Variants in CFAP74 observed in about 807,000 individuals in gnomAD.
The protein encoded by CFAP74 is cilia- and flagella-associated protein 74.
In CFAP74, 124 loss-of-function variants were observed where a neutral mutation model predicts 188.9. That is an observed-to-expected ratio of 0.66 (90% CI 0.57 to 0.76). The LOEUF (loss-of-function observed/expected upper bound fraction) is 0.76, where lower values mean the gene tolerates loss of function less well. Ranked by LOEUF, CFAP74 falls within the 30% of genes least tolerant of loss-of-function variation. The pLI, the probability that CFAP74 is intolerant of heterozygous loss-of-function variation, is 0.00. For missense variants in CFAP74, 2,198 were observed against 2,165.2 expected (o/e 1.02, Z -0.30); for synonymous variants, 956 against 916.7 (o/e 1.04, Z -0.77).
chr1:1,939,022 C>G, intron 24 of CFAP74, 34 bp from the exon 25 acceptor site: 2 of 1,529,562 alleles, frequency 1.3e-6, no homozygotes, highest in Non-Finnish European at 1.8e-6. Flanking sequence ...GGGCATGTCA[C>G]GGGGAGACCA....
At chr1:1,939,886 C>T (rs1653243664) in intron 23 of CFAP74, 119 bp from the exon 24 acceptor site, 1 of 969,118 alleles carries the variant, frequency 1.0e-6, no homozygotes, top group African/African-American at 1.6e-5. Flanking sequence ...GTTTCCAGGA[C>T]ACGACGAGGC....
In CFAP74 at chr1:1,968,971, C is replaced by A. The variant is rs61776962; in HGVS notation, c.1047-138G>T. 3 of 423,088 alleles carry A rather than the reference C, an allele frequency of 7.1e-6. No homozygotes were observed. Among genetic ancestry groups the A allele is most frequent in the Non-Finnish European group, 1.2e-5 (3 of 246,928 alleles). 26.2% of individuals were successfully genotyped at this position (423,088 alleles called of 1,614,324 possible). A position where few individuals can be genotyped will look rare whatever the true frequency, so the allele number is the denominator to read the frequency against. On this transcript the variant is annotated intron_variant, in intron 10 of 38. Coordinates refer to ENST00000682832, the MANE Select transcript of CFAP74 (RefSeq NM_001304360.2). This position sits in a 1 kb window ranked among gnomAD's most constrained non-coding sequence, Gnocchi z 4.3. ...TGCCCAGCAGCCCCAGGTGAGACAG[C>A]GCCTGGCGGCCCCTCCCTAGCTCCC... is the stretch of plus-strand genomic sequence containing the variant.
chr1:1,993,054 A>G (rs1449140921), intron 1 of CFAP74, among the ~76,000 whole-genome samples: 3 of 151,466 alleles, frequency 2.0e-5, no homozygotes, highest in African/African-American at 7.3e-5. Flanking sequence ...TACAAAAACT[A>G]GCCAGGTATG....
chr1:1,990,395 CA>C (rs1336415188), intron 2 of CFAP74, among the ~76,000 whole-genome samples: 11 of 104,980 alleles, frequency 1.0e-4, no homozygotes, highest in Non-Finnish European at 2.0e-4. Context: ...TGGCGGGGGG[CA>C]GGGGGGAGAA....
rs1161767183 is a variant in CFAP74, at chr1:1,926,906, G to T, written c.3650C>A (p.Pro1217His). 1.3e-6 allele frequency: 2 copies of T among 1,549,932 alleles called. No individual in the cohort carries two copies. The highest frequency in any genetic ancestry group is 1.7e-6 in the Non-Finnish European group (2 of 1,146,788). The change falls in exon 29 of 39, where the codon CCC becomes CAC. Residue 1217 changes from proline (P) to histidine (H), a missense_variant. Physicochemically the swap from Pro to His is moderately conservative, Grantham distance 77. Coordinates refer to ENST00000682832, the MANE Select transcript of CFAP74 (RefSeq NM_001304360.2). ...GAGCACCCCGCACCTGAAGCTCAGG[G>T]GTTCTGACCCCTTCCTGTCTTTGAT... ...GDIKDRKGSE[P>H]LSFSPHNTLY...
rs1398118413 is a variant in CFAP74, at chr1:1,975,557, G to A, written c.501-1359C>T. On this transcript the variant is annotated intron_variant, in intron 6 of 38. Coordinates refer to ENST00000682832, the MANE Select transcript of CFAP74 (RefSeq NM_001304360.2). This position sits in a 1 kb window ranked among gnomAD's most constrained non-coding sequence, Gnocchi z 4.5. Reference sequence around the variant, plus strand: ...GTTGTGTCACTGCATTTTAGAAACTGGGCATACCATGTTCTTTGTTGGGGT... The same window carrying A: ...GTTGTGTCACTGCATTTTAGAAACTAGGCATACCATGTTCTTTGTTGGGGT... Among the ~76,000 whole-genome samples, 3 of 152,092 alleles carry A rather than the reference G, an allele frequency of 2.0e-5. No individual in the cohort carries two copies. Among genetic ancestry groups the A allele is most frequent in the African/African-American group, 4.8e-5 (2 of 41,396 alleles).
chr1:1,923,592 G>A lies in CFAP74; in HGVS notation c.4390-93C>T, dbSNP rs1651570003. 6.4e-7 allele frequency: 1 copy of A among 1,550,390 alleles called. No individual in the cohort carries two copies. Among genetic ancestry groups the A allele is most frequent in the East Asian group, 2.3e-5 (1 of 44,162 alleles). ...GGGCTGGCTCAGGGAAGGAAGCAGG[G>A]ACGGCCTGGGGGCCCCGTGGGGCCC... On this transcript the variant is annotated intron_variant, in intron 35 of 38. Coordinates refer to ENST00000682832, the MANE Select transcript of CFAP74 (RefSeq NM_001304360.2). This position sits in a 1 kb window ranked among gnomAD's most constrained non-coding sequence, Gnocchi z 6.3.
In CFAP74 at chr1:1,942,527, G is replaced by A. The variant is rs1451408636; in HGVS notation, c.2487-371C>T. Among the ~76,000 whole-genome samples the A allele has an allele frequency of 6.6e-6, 1 of 152,024 alleles. No homozygotes were observed. The highest frequency in any genetic ancestry group is 1.9e-4 in the East Asian group (1 of 5,170). On this transcript the variant is annotated intron_variant, in intron 21 of 38. Transcript: ENST00000682832. The surrounding 1 kb of genome is among the most constrained non-coding windows in gnomAD (Gnocchi z 4.3). ...AACCCCTCCCTCCAGGGCTCTGCCCGCCTCCTGCCCAGGGCATCCCCACAT... is the reference window on the plus strand; with the variant it reads ...AACCCCTCCCTCCAGGGCTCTGCCCACCTCCTGCCCAGGGCATCCCCACAT...
intron 33 of CFAP74, among the ~76,000 whole-genome samples, chr1:1,925,361 G>A (rs902502479): frequency 2.6e-5 from 4 of 152,026 alleles, no homozygotes; most frequent in African/African-American, 9.7e-5. Flanking sequence ...AGAGCACACA[G>A]GGCAGTGCGA....
Position 1,923,669 on chromosome 1 carries a change from G to T in CFAP74, c.4389+106C>A. 1 of 1,565,204 alleles carries T rather than the reference G, an allele frequency of 6.4e-7. No homozygotes were observed. Among genetic ancestry groups the T allele is most frequent in the Non-Finnish European group, 8.8e-7 (1 of 1,141,848 alleles). ...CCTCAGTGTGGTGCTGAGTCCCCCA[G>T]CCATGGTACCCTCAGGGCCTCCAAA... is the stretch of plus-strand genomic sequence containing the variant. On this transcript the variant is annotated intron_variant, in intron 35 of 38. Coordinates refer to ENST00000682832, the MANE Select transcript of CFAP74 (RefSeq NM_001304360.2). This position sits in a 1 kb window ranked among gnomAD's most constrained non-coding sequence, Gnocchi z 6.3.
chr1:1,972,061 C>T lies in CFAP74; in HGVS notation c.807G>A (p.Lys269=). The T allele has an allele frequency of 6.2e-7, 1 of 1,612,750 alleles. No individual in the cohort carries two copies. The highest frequency in any genetic ancestry group is 8.5e-7 in the Non-Finnish European group (1 of 1,179,798). ...TGTACTCGTGGCACTCCATCTCCTCCTTCTTCTCTTGCTCTCGGATTCTGA... is the reference window on the plus strand; with the variant it reads ...TGTACTCGTGGCACTCCATCTCCTCTTTCTTCTCTTGCTCTCGGATTCTGA... ...SLGRIREQEK[K]EEMECHEYMR... is the part of the protein sequence containing the mutation. Residue 269 remains lysine, a synonymous_variant, in exon 9 of 39, where the codon AAG becomes AAA. Coordinates refer to ENST00000682832, the MANE Select transcript of CFAP74 (RefSeq NM_001304360.2).
In CFAP74 at chr1:1,968,508, A is replaced by G; in HGVS notation, c.1245+127T>C. On this transcript the variant is annotated intron_variant, in intron 11 of 38. Coordinates refer to ENST00000682832, the MANE Select transcript of CFAP74 (RefSeq NM_001304360.2). This position sits in a 1 kb window ranked among gnomAD's most constrained non-coding sequence, Gnocchi z 4.3. ...TGAGTGGCGGCCACTCAGCGGGCTC[A>G]GCAACCCCCTGCAGGTGGCCATGGT... 2.5e-6 allele frequency: 2 copies of G among 786,694 alleles called. No homozygotes were observed. Among genetic ancestry groups the G allele is most frequent in the Admixed American group, 4.5e-5 (2 of 44,760 alleles). 48.7% of individuals were successfully genotyped at this position (786,694 alleles called of 1,614,324 possible).
intron 29 of CFAP74, 24 bp downstream of exon 29, chr1:1,926,870 T>C (rs941530): frequency 0.57 from 877,195 of 1,549,564 alleles, 249,757 homozygotes; most frequent in Admixed American, 0.65. Context: ...GACCACACCC[T>C]GTTCTGGCCA....
At chr1:1,946,178 G>A in intron 20 of CFAP74, 139 bp downstream of exon 20, 1 of 1,055,042 alleles carries the variant, frequency 9.5e-7, no homozygotes, top group South Asian at 1.6e-5. Flanking sequence ...GTTGTAAACT[G>A]TGGTGCCAAC....
Position 1,979,552 on chromosome 1 carries a change from C to T in CFAP74, c.501-5354G>A, listed in dbSNP as rs28662252. On this transcript the variant is annotated intron_variant, in intron 6 of 38. Transcript: ENST00000682832. Reference sequence around the variant, plus strand: ...AACACGCGTGTGGTACTGAGCTGGGCGTGGGAAGGTGTCACGTGACGAGGC... The same window carrying T: ...AACACGCGTGTGGTACTGAGCTGGGTGTGGGAAGGTGTCACGTGACGAGGC... 8.0e-3 allele frequency among the ~76,000 whole-genome samples: 912 copies of T among 113,326 alleles called. 106 individuals are homozygous for T. The highest frequency in any genetic ancestry group is 0.013 in the Non-Finnish European group (698 of 54,422). 74.3% of individuals were successfully genotyped at this position (113,326 alleles called of 152,430 possible).
chr1:1,955,873 T>C (rs764756868), intron 17 of CFAP74, 23 bp from the exon 18 acceptor site: 1 of 1,595,944 alleles, frequency 6.3e-7, no homozygotes, highest in East Asian at 2.2e-5. Flanking sequence ...ATCAACATCC[T>C]GGCTTGGGAG....
chr1:1,926,089 G>A, intron 32 of CFAP74, 139 bp downstream of exon 32: 2 of 1,409,554 alleles, frequency 1.4e-6, no homozygotes, highest in East Asian at 5.0e-5. Flanking sequence ...TGGTGTGAGG[G>A]CCTGGGGGCC....
Position 1,956,742 on chromosome 1 carries a change from C to T in CFAP74, c.1894G>A (p.Val632Ile), listed in dbSNP as rs759803260. ...ATGGTCCGAGACGTGGTCTCTCCTA[C>T]CACGTAGCTGCCGAAGTCAATGAGC... Reference protein sequence around the residue: ...KELIDFGSYVVGETTSRTITL... With the variant: ...KELIDFGSYVIGETTSRTITL... The change falls in exon 17 of 39, where the codon GTA becomes ATA. Residue 632 changes from valine to isoleucine, a missense_variant. Transcript: ENST00000682832. 5.0e-6 allele frequency: 8 copies of T among 1,613,656 alleles called. No individual in the cohort carries two copies. The highest frequency in any genetic ancestry group is 2.2e-5 in the East Asian group (1 of 44,874).
chr1:1,953,923 C>T (rs1219421080), intron 18 of CFAP74: 1 of 152,198 alleles, frequency 6.6e-6, no homozygotes, highest in Admixed American at 6.5e-5. Flanking sequence ...CAGCCACAGA[C>T]TCGGAGGCAG....
Sources: allele counts gnomAD v4.1 joint callset (sites outside exome capture counted in the v4.1 genomes callset), GRCh38; gene constraint gnomAD v4.1.1; non-coding constraint Gnocchi (gnomAD v3.1); transcripts MANE v1.5; gene names NCBI Gene and HGNC (gene_info 2026-07-23, HGNC 2026-07-21).